The following DIDO1 variants were observed in gnomAD, a reference collection of about 807,000 sequenced individuals.
DIDO1 encodes the protein death-inducer obliterator 1.
Under a neutral mutation model 99.4 loss-of-function variants are expected in DIDO1, and 16 were observed. That is an observed-to-expected ratio of 0.16 (90% CI 0.11 to 0.24). The LOEUF (loss-of-function observed/expected upper bound fraction) is 0.24. Ranked by LOEUF, DIDO1 falls within the 10% of genes least tolerant of loss-of-function variation. DIDO1 has a pLI of 1.00. For synonymous variants in DIDO1, 1,366 were observed against 1,239.1 expected, an observed-to-expected ratio of 1.10 and a Z score of -2.15; for missense variants, 2,996 against 3,014.0, an observed-to-expected ratio of 0.99 and a Z score of 0.14.
At chr20:62,884,072 A>C (rs1268450323) in intron 15 of DIDO1, among the ~76,000 whole-genome samples, 1 of 152,196 alleles carries the variant, frequency 6.6e-6, no homozygotes, top group Non-Finnish European at 1.5e-5. Flanking sequence ...AAGACTCCCT[A>C]AGGCTCATGT....
Position 62,882,265 on chromosome 20 carries a change from C to T in DIDO1, c.3691G>A (p.Val1231Ile), listed in dbSNP as rs770037577. 1 of 1,613,826 alleles carries T rather than the reference C, an allele frequency of 6.2e-7. No individual in the cohort carries two copies. Among genetic ancestry groups the T allele is most frequent in the Non-Finnish European group, 8.5e-7 (1 of 1,180,038 alleles). ...EEADVPAYPK[V>I]ATVPQSEKKP... ...TTTTCCGACTGCGGGACTGTGGCTA[C>T]TTTTGGATAGGCCGGAACGTCCGCT... Residue 1231 changes from valine (V) to isoleucine (I), a missense_variant, in exon 16 of 16, where the codon GTA becomes ATA. Coordinates refer to ENST00000395343, the MANE Select transcript of DIDO1 (RefSeq NM_001193369.2).
At chr20:62,909,589 AC>A in intron 4 of DIDO1, 109 bp downstream of exon 4, 1 of 1,349,824 alleles carries the variant, frequency 7.4e-7, no homozygotes. Flanking sequence ...CGGGAGAGGC[AC>A]CGCCCCACAT....
At chr20:62,928,476 C>T (rs2065289405), upstream of DIDO1, 1 of 152,174 alleles carries the variant, frequency 6.6e-6, no homozygotes, top group African/African-American at 2.4e-5. Flanking sequence ...TCCACTCTGG[C>T]CTTCCCCACC....
intron 4 of DIDO1, among the ~76,000 whole-genome samples, chr20:62,907,630 C>G (rs760562036): frequency 6.6e-6 from 1 of 152,230 alleles, no homozygotes; most frequent in African/African-American, 2.4e-5. Flanking sequence ...GCACCCCTCT[C>G]GAGGGTGGGC....
At chr20:62,898,981 G>T (rs2064599495) in intron 6 of DIDO1, among the ~76,000 whole-genome samples, 1 of 152,186 alleles carries the variant, frequency 6.6e-6, no homozygotes, top group East Asian at 1.9e-4. Context: ...CAATAGGTCA[G>T]TCAGGTTAAA....
intron 15 of DIDO1, chr20:62,887,127 T>C (rs1410765232): frequency 1.0e-6 from 1 of 985,400 alleles, no homozygotes; most frequent in African/African-American, 1.7e-5. Context: ...TAGGGTGCAC[T>C]GCGCTGGCTT....
upstream of DIDO1, among the ~76,000 whole-genome samples, chr20:62,929,692 A>AAAAAAAAAATATATATATAT: frequency 1.7e-4 from 11 of 63,710 alleles, no homozygotes; most frequent in African/African-American, 6.9e-4. Context: ...AAAAAGAAAA[A>AAAAAAAAAATATATATATAT]GTGTATATAT....
chr20:62,922,109 T>TATACACACAC (rs375077898), intron 1 of DIDO1, among the ~76,000 whole-genome samples: 18,064 of 110,548 alleles, frequency 0.16, 1,294 homozygotes, highest in Non-Finnish European at 0.22. Flanking sequence ...ACTATATATA[T>TATACACACAC]ACACACACAC....
At position 62,880,727 on chromosome 20, in the gene DIDO1, C is replaced by A. The variant is rs59521622; in HGVS notation, c.5229G>T (p.Val1743=). 1 of 1,612,608 alleles carries A rather than the reference C, an allele frequency of 6.2e-7. No individual in the cohort carries two copies. Residue 1743 remains valine (V), a synonymous_variant, in exon 16 of 16, where the codon GTG becomes GTT. Transcript: ENST00000395343. ...CCTGAAACGGGGGCTGAGAGCCCCC[C>A]ACTTTCTGTCCTGGTGGGGGGAGCG... is the stretch of plus-strand genomic sequence containing the variant. ...TAPLPPPGQK[V]GGSQPPFQGQ... is the part of the protein sequence containing the mutation.
At chr20:62,924,665 C>T (rs561443071) in intron 1 of DIDO1, among the ~76,000 whole-genome samples, 10 of 152,294 alleles carry the variant, frequency 6.6e-5, no homozygotes, top group Non-Finnish European at 1.0e-4. Context: ...CCTCCAAGGC[C>T]CAACCGATGA....
chr20:62,895,950 T>A (rs2064510459), intron 8 of DIDO1, among the ~76,000 whole-genome samples: 1 of 152,188 alleles, frequency 6.6e-6, no homozygotes, highest in Admixed American at 6.5e-5. Context: ...GACTGGCTTG[T>A]ACCTTTACAG....
Position 62,909,947 on chromosome 20 carries a change from T to A in DIDO1, c.913A>T (p.Arg305Trp), listed in dbSNP as rs1600995043. Residue 305 changes from arginine to tryptophan, a missense_variant, in exon 4 of 16, where the codon AGG becomes TGG. Coordinates refer to ENST00000395343, the MANE Select transcript of DIDO1 (RefSeq NM_001193369.2). ...DCVGISEARGRLLERNGEDYI... is the reference protein window; with the variant it reads ...DCVGISEARGWLLERNGEDYI... ...TCTTCCCCATTCCTTTCCAAAAGCCTCCCTCGAGCCTCAGAAATGCCCACA... is the reference window on the plus strand; with the variant it reads ...TCTTCCCCATTCCTTTCCAAAAGCCACCCTCGAGCCTCAGAAATGCCCACA... 6.2e-7 allele frequency: 1 copy of A among 1,613,748 alleles called. No individual in the cohort carries two copies. The highest frequency in any genetic ancestry group is 2.2e-5 in the East Asian group (1 of 44,880).
intron 15 of DIDO1, chr20:62,887,072 C>T (rs937296429): frequency 4.1e-6 from 4 of 977,218 alleles, no homozygotes; most frequent in African/African-American, 3.5e-5. Context: ...GCCTGCACTG[C>T]GTCCTCTCCA....
intron 6 of DIDO1, 61 bp downstream of exon 6, chr20:62,905,826 G>A: frequency 6.2e-7 from 1 of 1,613,948 alleles, no homozygotes; most frequent in South Asian, 1.1e-5. Context: ...ACAGGCCCAG[G>A]GGATGGCTAT....
chr20:62,910,233 C>T (rs1315150705), intron 3 of DIDO1, among the ~76,000 whole-genome samples: 2 of 152,202 alleles, frequency 1.3e-5, no homozygotes, highest in Admixed American at 1.3e-4. Context: ...GGAGCAAACT[C>T]TAAGGCATTC....
Position 62,887,533 on chromosome 20 carries a change from G to C in DIDO1, c.3541+3427C>G. On this transcript the variant is annotated intron_variant, in intron 15 of 15. Coordinates refer to ENST00000395343, the MANE Select transcript of DIDO1 (RefSeq NM_001193369.2). ...GGTGTTTCCTCCTGCCCTGTACTTGGGGAGAACAGACTGTGCACCCATGTT... is the reference window on the plus strand; with the variant it reads ...GGTGTTTCCTCCTGCCCTGTACTTGCGGAGAACAGACTGTGCACCCATGTT... The C allele has an allele frequency of 3.0e-6, 3 of 985,432 alleles. No homozygotes were observed. The South Asian group carries it at 1.4e-4, about 46-fold the overall frequency. The allele number at this position is 985,432 out of a possible 1,614,324, so 61.0% of individuals were successfully genotyped here.
rs115293917 is a variant in DIDO1, at chr20:62,934,732, A to T, written c.-200+3064T>A. ...ACATCTCTCAACTTCTTGCTCTCTC[A>T]CCAAAAACCATCAAATGGGGAGTTT... On this transcript the variant is annotated intron_variant, in intron 1 of 15. Transcript: ENST00000266070. Among the ~76,000 whole-genome samples, 849 of 152,090 alleles carry T rather than the reference A, an allele frequency of 5.6e-3. 4 individuals carry two copies. Among genetic ancestry groups the T allele is most frequent in the African/African-American group, 0.02 (810 of 41,482 alleles).
At position 62,899,522 on chromosome 20, in the gene DIDO1, C is replaced by T. The variant is rs185970897; in HGVS notation, c.1589-2526G>A. On this transcript the variant is annotated intron_variant, in intron 6 of 15. Transcript: ENST00000395343. ...TTGTCTCCCTCACTTAGGGAAAACC[C>T]GAGTTGAGAGATGAGTTTTAGGGCA... 2.6e-5 allele frequency among the ~76,000 whole-genome samples: 4 copies of T among 152,306 alleles called. No individual in the cohort carries two copies. In the East Asian group the frequency reaches 5.8e-4, roughly 22 times the overall value.
In DIDO1 at chr20:62,894,152, T is replaced by A. The variant is rs745852822; in HGVS notation, c.2615A>T (p.Gln872Leu). ...SAEDEPAPKK[Q>L]KLSASVKKED... is the part of the protein sequence containing the mutation. ...TTTCTTAACAGAAGCTGACAATTTT[T>A]GTTTTTTCGGAGCTGGCTCATCTTC... The change falls in exon 12 of 16, where the codon CAA becomes CTA. Residue 872 changes from glutamine to leucine, a missense_variant. Coordinates refer to ENST00000395343, the MANE Select transcript of DIDO1 (RefSeq NM_001193369.2). This position sits in a 1 kb window ranked among gnomAD's most constrained non-coding sequence, Gnocchi z 4.4. The A allele has an allele frequency of 3.3e-5, 54 of 1,613,992 alleles. No homozygotes were observed. Among genetic ancestry groups the A allele is most frequent in the Non-Finnish European group, 4.3e-5 (51 of 1,179,988 alleles).
Sources: allele counts gnomAD v4.1 joint callset (sites outside exome capture counted in the v4.1 genomes callset), GRCh38; gene constraint gnomAD v4.1.1; non-coding constraint Gnocchi (gnomAD v3.1); transcripts MANE v1.5; gene names NCBI Gene and HGNC (gene_info 2026-07-23, HGNC 2026-07-21).